GSE1: variants seen among roughly 807,000 people sequenced by gnomAD.
The protein encoded by GSE1 is Gse1 coiled-coil protein, also known as genetic suppressor element 1.
GSE1 carries 32 observed loss-of-function variants against 112.6 expected under a neutral mutation model. The ratio of observed to expected loss-of-function variants is 0.28; its 90% CI spans 0.21 to 0.38. The LOEUF is 0.38. Among genes scored for constraint, GSE1 ranks in the 10% least tolerant of loss-of-function variants. GSE1 has a pLI of 1.00. For missense variants in GSE1, 2,348 were observed against 1,699.2 expected (o/e 1.38, Z -6.71); for synonymous variants, 1,115 against 735.6 (o/e 1.52, Z -8.35).
chr16:85,258,170 C>T (rs1026571384), intron 1 of GSE1, among the ~76,000 whole-genome samples: 3 of 152,304 alleles, frequency 2.0e-5, no homozygotes, highest in African/African-American at 4.8e-5. Context: ...GGCCTCCTCA[C>T]GCATCTTCAG....
At chr16:85,513,666 A>C (rs534512992) in intron 2 of GSE1, among the ~76,000 whole-genome samples, 1 of 152,236 alleles carries the variant, frequency 6.6e-6, no homozygotes, top group East Asian at 1.9e-4. Context: ...AAGCAGAAGG[A>C]ATCCCGCCTG....
intron 1 of GSE1, among the ~76,000 whole-genome samples, chr16:85,303,863 C>T (rs1814906987): frequency 6.6e-6 from 1 of 152,238 alleles, no homozygotes; most frequent in South Asian, 2.1e-4. Flanking sequence ...CTGGGAATCG[C>T]CTGGCAGTGC....
At chr16:85,488,987 C>T (rs942737234) in intron 2 of GSE1, among the ~76,000 whole-genome samples, 2 of 151,954 alleles carry the variant, frequency 1.3e-5, no homozygotes, top group Non-Finnish European at 1.5e-5. Flanking sequence ...GATTCTTTCC[C>T]GCTCCATGAG....
chr16:85,428,493 T>A (rs1158350507), intron 2 of GSE1, among the ~76,000 whole-genome samples: 1 of 152,238 alleles, frequency 6.6e-6, no homozygotes. Flanking sequence ...CGCCCCTGCC[T>A]CACGGGGTGC....
intron 1 of GSE1, among the ~76,000 whole-genome samples, chr16:85,566,875 CT>C (rs2045771925): frequency 6.6e-6 from 1 of 152,190 alleles, no homozygotes; most frequent in African/African-American, 2.4e-5. Context: ...CTTAATTGAA[CT>C]TGCTGTGGAG....
intron 1 of GSE1, among the ~76,000 whole-genome samples, chr16:85,345,490 A>G (rs2046715346): frequency 6.6e-6 from 1 of 151,834 alleles, no homozygotes; most frequent in Admixed American, 6.6e-5. Context: ...TTCCAGGAAC[A>G]CTCTTCCCCA....
chr16:85,555,848 T>G, upstream of GSE1: 4 of 907,120 alleles, frequency 4.4e-6, no homozygotes, highest in Non-Finnish European at 5.2e-6. Context: ...TTCAAATGAG[T>G]AATCCCTGAA....
At chr16:85,312,223 C>G in intron 1 of GSE1, among the ~76,000 whole-genome samples, 1 of 142,744 alleles carries the variant, frequency 7.0e-6, no homozygotes, top group South Asian at 2.1e-4. Context: ...GGGGGACACA[C>G]TTACCCCCAA....
At chr16:85,261,382 A>G (rs1472033688) in intron 1 of GSE1, among the ~76,000 whole-genome samples, 3 of 152,184 alleles carry the variant, frequency 2.0e-5, no homozygotes, top group African/African-American at 7.2e-5. Flanking sequence ...GACTCAGTGA[A>G]TTTCACGCAG....
Position 85,665,047 on chromosome 16 carries a change from A to C in GSE1, c.2677A>C (p.Met893Leu). 6.2e-7 allele frequency: 1 copy of C among 1,611,824 alleles called. No individual in the cohort carries two copies. The highest frequency in any genetic ancestry group is 1.1e-5 in the South Asian group (1 of 91,042). ...KERLVEMLRA[M>L]KQKALSAAVA... ...GAGACTTGTTGAAATGCTCCGTGCC[A>C]TGAAGCAGAAGGCACTGTCAGCAGC... Residue 893 changes from methionine to leucine, a missense_variant, in exon 12 of 16, where the codon ATG becomes CTG. Transcript: ENST00000253458.
intron 2 of GSE1, among the ~76,000 whole-genome samples, chr16:85,430,642 G>A (rs968897991): frequency 2.6e-5 from 4 of 152,218 alleles, no homozygotes; most frequent in Non-Finnish European, 4.4e-5. Context: ...GGGACGCCTG[G>A]TGCCACCCCC....
intron 2 of GSE1, among the ~76,000 whole-genome samples, chr16:85,366,243 C>G (rs945891770): frequency 6.6e-6 from 1 of 152,268 alleles, no homozygotes; most frequent in African/African-American, 2.4e-5. Flanking sequence ...CCCCCACTGC[C>G]AAGCGGCAGC....
At chr16:85,173,247 A>G (rs1412718125) in intron 1 of GSE1, among the ~76,000 whole-genome samples, 1 of 152,226 alleles carries the variant, frequency 6.6e-6, no homozygotes, top group African/African-American at 2.4e-5. Context: ...GAGTCAACCA[A>G]GACTCAGATA....
At chr16:85,304,421 T>A (rs2045610581) in intron 1 of GSE1, among the ~76,000 whole-genome samples, 1 of 152,202 alleles carries the variant, frequency 6.6e-6, no homozygotes, top group Admixed American at 6.5e-5. Flanking sequence ...GGGCCCCAGC[T>A]GACTCCTGGG....
intron 1 of GSE1, among the ~76,000 whole-genome samples, chr16:85,343,482 C>T (rs370811992): frequency 6.6e-6 from 1 of 152,176 alleles, no homozygotes; most frequent in African/African-American, 2.4e-5. Flanking sequence ...GGCCCAGTGG[C>T]TCACACCTGT....
At chr16:85,236,422 A>G (rs1244681382) in intron 1 of GSE1, among the ~76,000 whole-genome samples, 1 of 152,234 alleles carries the variant, frequency 6.6e-6, no homozygotes, top group Non-Finnish European at 1.5e-5. Flanking sequence ...CAGTGGGCTA[A>G]AAACTCTGAG....
At chr16:85,607,901 C>G (rs995447011), upstream of GSE1, among the ~76,000 whole-genome samples, 1 of 152,190 alleles carries the variant, frequency 6.6e-6, no homozygotes. Context: ...CGCTGTGGCC[C>G]GGCCTGCAGG....
In GSE1 at chr16:85,192,591, C is replaced by A. The variant is rs1020180527; in HGVS notation, c.2283+20784C>A. On this transcript the variant is annotated intron_variant, in intron 1 of 2. Transcript: ENST00000637419. ...TCATCTGTGCTTCTGCTGCCTCCAT[C>A]CTGGGCCTGTCCCCCTCACCCTTTT... Among the ~76,000 whole-genome samples, 87 of 152,332 alleles carry A rather than the reference C, an allele frequency of 5.7e-4. 1 individual carries two copies. Among genetic ancestry groups the A allele is most frequent in the African/African-American group, 1.9e-3 (81 of 41,582 alleles).
intron 2 of GSE1, among the ~76,000 whole-genome samples, chr16:85,397,107 C>T (rs34662122): frequency 0.061 from 9,320 of 152,292 alleles, 310 homozygotes; most frequent in Middle Eastern, 0.12. Context: ...CCCAGGGAGC[C>T]CCCTTGCCCC....
Sources: gnomAD v4.1 joint callset for allele counts (sites outside exome capture counted in the v4.1 genomes callset) on GRCh38, gnomAD v4.1.1 for gene constraint, MANE v1.5 for transcripts, NCBI Gene and HGNC (gene_info 2026-07-23, HGNC 2026-07-21) for gene names.